Variants in CACNA2D3 observed in about 807,000 individuals in gnomAD.
CACNA2D3 encodes calcium voltage-gated channel auxiliary subunit alpha2delta 3, also known as voltage-dependent calcium channel subunit alpha-2/delta-3.
In CACNA2D3, 60 loss-of-function variants were observed where a neutral mutation model predicts 160.6. That is an observed-to-expected ratio of 0.37 (90% CI 0.30 to 0.46). CACNA2D3 has a LOEUF of 0.46. Among genes scored for constraint, CACNA2D3 ranks in the 20% least tolerant of loss-of-function variants. CACNA2D3 has a pLI of 1.00. For synonymous variants in CACNA2D3, 558 were observed against 492.9 expected (o/e 1.13, Z -1.75); for missense variants, 1,205 against 1,365.0 (o/e 0.88, Z 1.85).
chr3:54,453,337 C>CCATAATCTACTAT, intron 4 of CACNA2D3, among the ~76,000 whole-genome samples: 2 of 152,308 alleles, frequency 1.3e-5, no homozygotes, highest in South Asian at 4.1e-4. Context: ...TTAGGGCTCA[C>CCATAATCTACTAT]CATAATCTAC....
chr3:54,384,115 C>T (rs13077899), intron 3 of CACNA2D3, among the ~76,000 whole-genome samples: 12,188 of 151,808 alleles, frequency 0.08, 541 homozygotes, highest in East Asian at 0.17. Flanking sequence ...ATTATTTTTT[C>T]CTTTCCAATT....
intron 3 of CACNA2D3, among the ~76,000 whole-genome samples, chr3:54,324,820 A>G (rs766397637): frequency 1.8e-4 from 28 of 152,284 alleles, no homozygotes; most frequent in Non-Finnish European, 3.8e-4. Context: ...CATGTTGGAC[A>G]TAGAGGAAAG....
intron 2 of CACNA2D3, among the ~76,000 whole-genome samples, chr3:54,284,892 A>G (rs192614116): frequency 4.3e-4 from 65 of 152,356 alleles, no homozygotes; most frequent in Admixed American, 1.6e-3. Flanking sequence ...TGTATTTGAC[A>G]TTAATAGTGC....
chr3:54,727,457 C>G (rs1701299536), intron 11 of CACNA2D3, among the ~76,000 whole-genome samples: 1 of 152,170 alleles, frequency 6.6e-6, no homozygotes, highest in Non-Finnish European at 1.5e-5. Flanking sequence ...CACATGCACA[C>G]ATATGTTTAT....
At chr3:54,194,007 G>A (rs1559878101) in intron 2 of CACNA2D3, among the ~76,000 whole-genome samples, 1 of 152,042 alleles carries the variant, frequency 6.6e-6, no homozygotes, top group African/African-American at 2.4e-5. Flanking sequence ...AGTCATATGT[G>A]GAAGCTAAAA....
intron 34 of CACNA2D3, among the ~76,000 whole-genome samples, chr3:55,013,932 C>T (rs986093465): frequency 3.9e-5 from 6 of 152,112 alleles, no homozygotes; most frequent in Non-Finnish European, 8.8e-5. Flanking sequence ...TTCAGTTGTG[C>T]GGACGCTCCC....
At chr3:54,524,771 A>C (rs1701698754) in intron 5 of CACNA2D3, among the ~76,000 whole-genome samples, 1 of 151,956 alleles carries the variant, frequency 6.6e-6, no homozygotes, top group Non-Finnish European at 1.5e-5. Context: ...TTTTTGTTTT[A>C]AAATCTATTT....
rs1042491278 is a variant in CACNA2D3, at chr3:54,635,631, G to C, written c.1054-6497G>C. Among the ~76,000 whole-genome samples, 4 of 152,088 alleles carry C rather than the reference G, an allele frequency of 2.6e-5. No individual in the cohort carries two copies. In the South Asian group the frequency reaches 6.2e-4, roughly 24 times the overall value. On this transcript the variant is annotated intron_variant, in intron 10 of 37. Coordinates refer to ENST00000474759, the MANE Select transcript of CACNA2D3 (RefSeq NM_018398.3). Reference sequence around the variant, plus strand: ...TTCCGAGGACAGGCCTGAATTCTGAGAAGGGAAAGTGATAAAAGTATTGTC... The same window carrying C: ...TTCCGAGGACAGGCCTGAATTCTGACAAGGGAAAGTGATAAAAGTATTGTC...
At chr3:55,022,088 G>T (rs536050878) in intron 35 of CACNA2D3, among the ~76,000 whole-genome samples, 7 of 152,094 alleles carry the variant, frequency 4.6e-5, no homozygotes, top group African/African-American at 1.4e-4. Flanking sequence ...CCAGGCTTAT[G>T]GACGTTTTTG....
intron 3 of CACNA2D3, among the ~76,000 whole-genome samples, chr3:54,347,806 C>T (rs567161125): frequency 2.6e-5 from 4 of 152,196 alleles, no homozygotes; most frequent in Admixed American, 1.3e-4. Context: ...TGCCTGAGAC[C>T]CACCGTGCCT....
chr3:54,558,290 G>T (rs543119997), intron 5 of CACNA2D3, among the ~76,000 whole-genome samples: 2 of 152,310 alleles, frequency 1.3e-5, no homozygotes, highest in South Asian at 2.1e-4. Context: ...GGGATCTCTG[G>T]TGAGGGTACA....
In CACNA2D3 at chr3:54,569,817, G is replaced by C. The variant is rs764535638; in HGVS notation, c.699G>C (p.Glu233Asp). Residue 233 changes from glutamate to aspartate, a missense_variant, in exon 7 of 38, where the codon GAG becomes GAC. Physicochemically the swap from Glu to Asp is conservative, Grantham distance 45 (BLOSUM62 2). Coordinates refer to ENST00000474759, the MANE Select transcript of CACNA2D3 (RefSeq NM_018398.3). Reference sequence around the variant, plus strand: ...TAGGGATTAAATGGGAACCAGATGAGAATGGAGTCATTGCCTTCGACTGCA... The same window carrying C: ...TAGGGATTAAATGGGAACCAGATGACAATGGAGTCATTGCCTTCGACTGCA... ...QYPGIKWEPD[E>D]NGVIAFDCRN... The C allele has an allele frequency of 1.2e-6, 2 of 1,604,936 alleles. No homozygotes were observed. Among genetic ancestry groups the C allele is most frequent in the Middle Eastern group, 1.7e-4 (1 of 6,050 alleles).
chr3:54,526,879 C>G (rs1016499552), intron 5 of CACNA2D3, among the ~76,000 whole-genome samples: 1 of 152,134 alleles, frequency 6.6e-6, no homozygotes, highest in Non-Finnish European at 1.5e-5. Context: ...TTAGTAGAGA[C>G]AGGGTTTCAC....
chr3:54,859,337 A>G (rs571204405), intron 17 of CACNA2D3, among the ~76,000 whole-genome samples: 1 of 152,378 alleles, frequency 6.6e-6, no homozygotes, highest in South Asian at 2.1e-4. Context: ...CAACCGTGAC[A>G]CACTTAGGTG....
At chr3:55,014,873 G>A (rs1231819081) in intron 34 of CACNA2D3, among the ~76,000 whole-genome samples, 1 of 152,190 alleles carries the variant, frequency 6.6e-6, no homozygotes, top group East Asian at 1.9e-4. Context: ...GTAAGTTCTA[G>A]CCATGTTATT....
At chr3:54,543,807 A>C (rs1390753485) in intron 5 of CACNA2D3, among the ~76,000 whole-genome samples, 2 of 152,234 alleles carry the variant, frequency 1.3e-5, no homozygotes, top group Non-Finnish European at 2.9e-5. Context: ...TAGAATTTGC[A>C]GTTGAGGGTC....
intron 34 of CACNA2D3, among the ~76,000 whole-genome samples, chr3:55,014,893 T>C (rs1346802721): frequency 1.3e-5 from 2 of 152,244 alleles, no homozygotes; most frequent in Non-Finnish European, 1.5e-5. Flanking sequence ...TTAAATTAAA[T>C]GTGGCCATGG....
At chr3:54,493,053 C>T (rs1701136992) in intron 4 of CACNA2D3, among the ~76,000 whole-genome samples, 1 of 132,966 alleles carries the variant, frequency 7.5e-6, no homozygotes, top group Non-Finnish European at 1.6e-5. Flanking sequence ...GGAGGTATTG[C>T]TCAAAACTTT....
chr3:54,958,304 G>A (rs1430148318), intron 27 of CACNA2D3, among the ~76,000 whole-genome samples: 1 of 152,214 alleles, frequency 6.6e-6, no homozygotes, highest in Non-Finnish European at 1.5e-5. Context: ...GAGGCAGGAG[G>A]ACTGCCTGAG....
Sources: gnomAD v4.1 joint callset for allele counts (sites outside exome capture counted in the v4.1 genomes callset) on GRCh38, gnomAD v4.1.1 for gene constraint, MANE v1.5 for transcripts, NCBI Gene and HGNC (gene_info 2026-07-23, HGNC 2026-07-21) for gene names.